YTHDF3: variants seen among roughly 807,000 people sequenced by gnomAD.
YTHDF3 encodes YTH N6-methyladenosine RNA binding protein F3.
YTHDF3 carries 9 observed loss-of-function variants against 52.5 expected under a neutral mutation model. The observed-to-expected ratio is 0.17, with a 90% CI of 0.10 to 0.30. The LOEUF (loss-of-function observed/expected upper bound fraction) is 0.30, where lower values mean the gene tolerates loss of function less well. YTHDF3 is among the 10% of genes least tolerant of loss of function. The pLI is 1.00. For missense variants in YTHDF3, 534 were observed against 715.0 expected (o/e 0.75, Z 2.89); for synonymous variants, 274 against 243.3 (o/e 1.13, Z -1.18).
At chr8:63,195,731 CGTGT>C (rs61277098) in intron 4 of YTHDF3, among the ~76,000 whole-genome samples, 18,432 of 145,238 alleles carry the variant, frequency 0.13, 1,280 homozygotes, top group East Asian at 0.34. Context: ...CATGTATTTA[CGTGT>C]GTGTGTGTGT....
chr8:63,209,623 T>G (rs1365439751), intron 4 of YTHDF3, 60 bp from the exon 5 acceptor site: 2 of 1,466,444 alleles, frequency 1.4e-6, no homozygotes, highest in Non-Finnish European at 1.8e-6. Context: ...TTTAAATCTT[T>G]AAATAATGAG....
intron 4 of YTHDF3, 102 bp downstream of exon 4, chr8:63,187,847 T>A: frequency 7.7e-7 from 1 of 1,295,894 alleles, no homozygotes; most frequent in Non-Finnish European, 1.0e-6. Flanking sequence ...GGAAACCAAC[T>A]ACTTAAGAAA....
intron 2 of YTHDF3, chr8:63,172,609 T>C (rs2129966477): frequency 1.2e-5 from 5 of 405,204 alleles, no homozygotes; most frequent in Non-Finnish European, 1.7e-5. Flanking sequence ...ACAACATCCT[T>C]GTAAGGAGAT....
At chr8:63,185,585 A>G (rs1167400572) in intron 3 of YTHDF3, among the ~76,000 whole-genome samples, 2 of 152,242 alleles carry the variant, frequency 1.3e-5, no homozygotes, top group Non-Finnish European at 2.9e-5. Context: ...GCATCATGCT[A>G]TAAACGTAAT....
At chr8:63,182,999 C>T (rs1407589869) in intron 3 of YTHDF3, among the ~76,000 whole-genome samples, 1 of 150,926 alleles carries the variant, frequency 6.6e-6, no homozygotes, top group Non-Finnish European at 1.5e-5. Context: ...GCTTGTCACC[C>T]AGGCTGGAGT....
At chr8:63,193,543 C>T (rs1054242444) in intron 4 of YTHDF3, among the ~76,000 whole-genome samples, 16 of 151,962 alleles carry the variant, frequency 1.1e-4, no homozygotes, top group African/African-American at 3.1e-4. Flanking sequence ...ATTGCTTCAT[C>T]CCAGGAGTTT....
At chr8:63,184,286 T>G (rs1808357056) in intron 3 of YTHDF3, among the ~76,000 whole-genome samples, 2 of 152,266 alleles carry the variant, frequency 1.3e-5, no homozygotes, top group Non-Finnish European at 2.9e-5. Context: ...TTTGTGATTT[T>G]CTTTTAAACA....
intron 4 of YTHDF3, among the ~76,000 whole-genome samples, chr8:63,200,415 C>CT (rs1273775255): frequency 4.6e-5 from 7 of 150,556 alleles, no homozygotes; most frequent in South Asian, 4.2e-4. Flanking sequence ...ATTTCTTTTT[C>CT]TTTTTTTTCT....
intron 4 of YTHDF3, chr8:63,188,701 A>ATATATATATATATATT (rs1355614739): frequency 1.3e-4 from 8 of 61,442 alleles, no homozygotes; most frequent in African/African-American, 4.3e-4. Flanking sequence ...ATATATATAT[A>ATATATATATATATATT]TTTTTTTTTT....
At chr8:63,200,897 A>G (rs914097390) in intron 4 of YTHDF3, among the ~76,000 whole-genome samples, 1 of 152,174 alleles carries the variant, frequency 6.6e-6, no homozygotes, top group Non-Finnish European at 1.5e-5. Flanking sequence ...GTATTGTGAT[A>G]TGTTGAAGTA....
chr8:63,187,143 G>A lies in YTHDF3; in HGVS notation c.1132G>A (p.Gly378Ser), dbSNP rs771964036. 4.3e-6 allele frequency: 7 copies of A among 1,613,954 alleles called. No homozygotes were observed. In the East Asian group the frequency reaches 1.6e-4, roughly 36 times the overall value. ...AGCGGGCAGTGAAAACTTTGGTTTA[G>A]GTGTTGTACCTGTCAGTGCTTCACC... ...NGAGSENFGL[G>S]VVPVSASPSS... The change falls in exon 4 of 5, where the codon GGT becomes AGT. Residue 378 changes from glycine (G) to serine (S), a missense_variant. Coordinates refer to ENST00000539294, the MANE Select transcript of YTHDF3 (RefSeq NM_152758.6).
chr8:63,171,530 A>G (rs1438815060), intron 2 of YTHDF3, among the ~76,000 whole-genome samples: 1 of 152,210 alleles, frequency 6.6e-6, no homozygotes, highest in Non-Finnish European at 1.5e-5. Flanking sequence ...ACAAGTGCAC[A>G]AATAACAAAT....
intron 4 of YTHDF3, among the ~76,000 whole-genome samples, chr8:63,197,412 GATTT>G (rs1011765377): frequency 2.6e-5 from 4 of 152,126 alleles, no homozygotes; most frequent in Non-Finnish European, 5.9e-5. Context: ...GGATATAAAA[GATTT>G]AATTATATTT....
At position 63,210,068 on chromosome 8, in the gene YTHDF3, A is replaced by G. The variant is rs1810290795; in HGVS notation, c.*362A>G. ...AACAGTTAACCATTAGAAGTGGTTC[A>G]ATGATGTAAGAGTCACACTGCTTCA... On this transcript the variant is annotated 3_prime_UTR_variant, in exon 5 of 5. Coordinates refer to ENST00000539294, the MANE Select transcript of YTHDF3 (RefSeq NM_152758.6). The G allele has an allele frequency of 1.1e-5, 2 of 180,630 alleles. No individual in the cohort carries two copies. The highest frequency in any genetic ancestry group is 4.7e-5 in the African/African-American group (2 of 42,598). The allele number at this position is 180,630 out of a possible 1,614,324, so 11.2% of individuals were successfully genotyped here.
At chr8:63,175,092 A>C (rs1458132125) in intron 2 of YTHDF3, among the ~76,000 whole-genome samples, 1 of 152,152 alleles carries the variant, frequency 6.6e-6, no homozygotes, top group African/African-American at 2.4e-5. Context: ...GGTAAGGGGA[A>C]GTGTATATAT....
chr8:63,185,669 T>C (rs1435613305), intron 3 of YTHDF3, among the ~76,000 whole-genome samples: 1 of 152,236 alleles, frequency 6.6e-6, no homozygotes, highest in Non-Finnish European at 1.5e-5. Flanking sequence ...ATGGTTGAAC[T>C]GGATTCCATC....
chr8:63,208,560 G>C (rs905371995), intron 4 of YTHDF3, among the ~76,000 whole-genome samples: 9 of 152,140 alleles, frequency 5.9e-5, no homozygotes, highest in South Asian at 2.1e-4. Flanking sequence ...TCAGACCTCT[G>C]GGGCCCAGAC....
chr8:63,187,885 CTA>C (rs1439294557), intron 4 of YTHDF3, 140 bp downstream of exon 4: 23 of 941,888 alleles, frequency 2.4e-5, no homozygotes, highest in East Asian at 2.4e-4. Context: ...TTGAAGGTAT[CTA>C]TGTGTGTCCT....
chr8:63,171,405 T>A (rs771886100), intron 2 of YTHDF3, among the ~76,000 whole-genome samples: 89 of 152,188 alleles, frequency 5.8e-4, no homozygotes, highest in Non-Finnish European at 1.1e-3. Flanking sequence ...CCTCACTTAA[T>A]CTATTTTTAA....
Sources: allele counts gnomAD v4.1 joint callset (sites outside exome capture counted in the v4.1 genomes callset), GRCh38; gene constraint gnomAD v4.1.1; transcripts MANE v1.5; gene names NCBI Gene and HGNC (gene_info 2026-07-23, HGNC 2026-07-21).